The following NBAS variants were observed in gnomAD, a reference collection of about 807,000 sequenced individuals.
The protein encoded by NBAS is NAG/BC035112 fusion.
NBAS carries 219 observed loss-of-function variants against 302.5 expected under a neutral mutation model. The observed-to-expected ratio is 0.72, with a 90% CI of 0.65 to 0.81. The LOEUF is 0.81. Ranked by LOEUF, NBAS falls within the 30% of genes least tolerant of loss-of-function variation. The probability of loss-of-function intolerance (pLI) is 0.00; values close to 1 mark genes in which losing one functional copy is unlikely to be tolerated. For synonymous variants in NBAS, 1,118 were observed against 1,021.6 expected, an observed-to-expected ratio of 1.09 and a Z score of -1.80; for missense variants, 2,932 against 2,841.6, an observed-to-expected ratio of 1.03 and a Z score of -0.72.
the NBAS span, among the ~76,000 whole-genome samples, chr2:14,909,824 C>A: frequency 2.0e-5 from 3 of 152,166 alleles, no homozygotes; most frequent in Non-Finnish European, 4.4e-5. Context: ...GCCAGTGGCA[C>A]CCACATGTCC....
chr2:14,816,331 C>T, the NBAS span, among the ~76,000 whole-genome samples: 1 of 152,196 alleles, frequency 6.6e-6, no homozygotes, highest in Non-Finnish European at 1.5e-5. Context: ...CTATTGTGAA[C>T]TATGCATCTG....
At chr2:14,868,721 G>A in the NBAS span, among the ~76,000 whole-genome samples, 1 of 152,202 alleles carries the variant, frequency 6.6e-6, no homozygotes, top group Non-Finnish European at 1.5e-5. Flanking sequence ...AGACTGTCTT[G>A]TGTAATCAAT....
Position 15,475,744 on chromosome 2 carries a change from C to A in NBAS, c.1284G>T (p.Trp428Cys). 1 of 1,614,104 alleles carries A rather than the reference C, an allele frequency of 6.2e-7. No homozygotes were observed. The highest frequency in any genetic ancestry group is 8.5e-7 in the Non-Finnish European group (1 of 1,179,994). The change falls in exon 14 of 52, where the codon TGG becomes TGT. Residue 428 changes from tryptophan to cysteine, a missense_variant. By Grantham distance (215) the Trp-to-Cys change is radical. Transcript: ENST00000281513. ...CAGTGACTTGAGGTGATGGTTCAAA[C>A]CATTCACAGGATTTTCCCAGTAAAT... ...LKNLLGKSCE[W>C]FEPSPQVTAT...
At chr2:15,102,368 C>T in the NBAS span, among the ~76,000 whole-genome samples, 1 of 152,210 alleles carries the variant, frequency 6.6e-6, no homozygotes, top group Non-Finnish European at 1.5e-5. Context: ...ACACCCTCCA[C>T]CCAGGACAGC....
the NBAS span, among the ~76,000 whole-genome samples, chr2:14,823,767 G>T: frequency 6.6e-6 from 1 of 152,102 alleles, no homozygotes; most frequent in Non-Finnish European, 1.5e-5. Flanking sequence ...TCTTCTTAAA[G>T]CTTAGTTACC....
chr2:14,847,558 A>G, the NBAS span, among the ~76,000 whole-genome samples: 1 of 151,862 alleles, frequency 6.6e-6, no homozygotes, highest in Non-Finnish European at 1.5e-5. Context: ...CTATATAATG[A>G]TAAAGGGGTC....
the NBAS span, among the ~76,000 whole-genome samples, chr2:15,103,447 T>C: frequency 1.3e-5 from 2 of 152,134 alleles, no homozygotes; most frequent in Admixed American, 1.3e-4. Flanking sequence ...TTCTGTTCAT[T>C]CAAAAAGTAT....
the NBAS span, among the ~76,000 whole-genome samples, chr2:15,152,820 A>G: frequency 6.6e-6 from 1 of 152,244 alleles, no homozygotes; most frequent in Non-Finnish European, 1.5e-5. Flanking sequence ...TAGGGAGCCA[A>G]TCTGTATACA....
chr2:15,338,530 G>A (rs1672696973), intron 35 of NBAS, among the ~76,000 whole-genome samples: 1 of 152,110 alleles, frequency 6.6e-6, no homozygotes, highest in Non-Finnish European at 1.5e-5. Flanking sequence ...CATCTCATCT[G>A]CCAATTAGCA....
At chr2:14,791,943 C>A in the NBAS span, among the ~76,000 whole-genome samples, 3 of 152,120 alleles carry the variant, frequency 2.0e-5, no homozygotes, top group Non-Finnish European at 4.4e-5. Context: ...GGGCTCAAGA[C>A]TCTCCTCTTC....
intron 30 of NBAS, among the ~76,000 whole-genome samples, chr2:15,376,784 G>T (rs560654476): frequency 1.3e-5 from 2 of 152,134 alleles, no homozygotes; most frequent in South Asian, 4.2e-4. Context: ...GAATGTATGG[G>T]TTATTCTCTA....
At chr2:15,306,262 T>G (rs1042606130) in intron 40 of NBAS, among the ~76,000 whole-genome samples, 1 of 152,164 alleles carries the variant, frequency 6.6e-6, no homozygotes, top group African/African-American at 2.4e-5. Context: ...AAAATAAGTA[T>G]CTGTATAAAG....
chr2:15,228,075 T>G (rs944042686), intron 47 of NBAS, among the ~76,000 whole-genome samples: 1 of 152,116 alleles, frequency 6.6e-6, no homozygotes, highest in African/African-American at 2.4e-5. Context: ...GAGAAACTAT[T>G]TGTAAACTAT....
At chr2:15,379,897 G>A in intron 29 of NBAS, 66 bp from the exon 30 acceptor site, 1 of 1,455,262 alleles carries the variant, frequency 6.9e-7, no homozygotes, top group Non-Finnish European at 9.6e-7. Flanking sequence ...TGAAATGAAG[G>A]CTCTGAAATC....
chr2:15,546,518 C>T (rs1210289992), intron 6 of NBAS, among the ~76,000 whole-genome samples: 3 of 152,110 alleles, frequency 2.0e-5, no homozygotes, highest in Non-Finnish European at 4.4e-5. Context: ...CATTTGATGT[C>T]AGGATTTCGA....
chr2:15,176,049 T>G (rs1283599540), intron 51 of NBAS, among the ~76,000 whole-genome samples: 1 of 152,204 alleles, frequency 6.6e-6, no homozygotes, highest in Non-Finnish European at 1.5e-5. Context: ...AAGTTATTGA[T>G]GAACTCAAGC....
chr2:15,045,140 C>A, the NBAS span, among the ~76,000 whole-genome samples: 9 of 152,180 alleles, frequency 5.9e-5, no homozygotes, highest in Non-Finnish European at 8.8e-5. Context: ...GCAAATCAGA[C>A]AAATCAATCC....
the NBAS span, among the ~76,000 whole-genome samples, chr2:15,015,243 T>G: frequency 3.0e-4 from 45 of 151,426 alleles, no homozygotes; most frequent in African/African-American, 1.0e-3. Context: ...CTCAAACTAT[T>G]CCAAAAAATG....
the NBAS span, among the ~76,000 whole-genome samples, chr2:15,014,681 TA>T: frequency 6.6e-6 from 1 of 151,740 alleles, no homozygotes; most frequent in Non-Finnish European, 1.5e-5. Context: ...AAAAACTATA[TA>T]AAAAACTAGA....
Sources: gnomAD v4.1 joint callset for allele counts (sites outside exome capture counted in the v4.1 genomes callset) on GRCh38, gnomAD v4.1.1 for gene constraint, MANE v1.5 for transcripts, NCBI Gene and HGNC (gene_info 2026-07-23, HGNC 2026-07-21) for gene names.